ELP4: variants seen among roughly 807,000 people sequenced by gnomAD.
ELP4 encodes the protein elongator acetyltransferase complex subunit 4, also known as elongator complex protein 4.
A neutral mutation model predicts 48.9 loss-of-function variants in ELP4; 51 were observed. That is an observed-to-expected ratio of 1.04 (90% CI 0.83 to 1.32). ELP4 has a LOEUF of 1.32. Ranked by LOEUF, ELP4 falls within the 40% of genes most tolerant of loss-of-function variation. The probability of loss-of-function intolerance (pLI) is 0.00; values close to 1 mark genes in which losing one functional copy is unlikely to be tolerated. For missense variants in ELP4, 519 were observed against 514.6 expected (o/e 1.01, Z -0.08); for synonymous variants, 210 against 189.2 (o/e 1.11, Z -0.90).
chr11:31,773,622 G>A (rs115329268), intron 9 of ELP4, among the ~76,000 whole-genome samples: 2,961 of 152,308 alleles, frequency 0.019, 115 homozygotes, highest in African/African-American at 0.067. Context: ...CCATGAAGCT[G>A]TTGACTAGTC....
At chr11:31,743,620 A>T (rs1947510437) in intron 9 of ELP4, among the ~76,000 whole-genome samples, 1 of 152,204 alleles carries the variant, frequency 6.6e-6, no homozygotes, top group Admixed American at 6.5e-5. Context: ...ACTACATGGA[A>T]ACTGAACAAC....
intron 6 of ELP4, among the ~76,000 whole-genome samples, chr11:31,630,261 T>C (rs951974075): frequency 1.3e-5 from 2 of 149,718 alleles, no homozygotes; most frequent in Admixed American, 6.7e-5. Flanking sequence ...TTCATTCTTA[T>C]AGTCTTATCC....
chr11:31,732,001 T>C (rs1313195469), intron 9 of ELP4, among the ~76,000 whole-genome samples: 1 of 152,066 alleles, frequency 6.6e-6, no homozygotes, highest in Non-Finnish European at 1.5e-5. Flanking sequence ...CTCCTAGATA[T>C]TCAGAAGCTG....
chr11:31,542,354 G>A (rs1956605949), intron 3 of ELP4, among the ~76,000 whole-genome samples: 1 of 152,208 alleles, frequency 6.6e-6, no homozygotes, highest in South Asian at 2.1e-4. Flanking sequence ...CATCGAGTGA[G>A]TTAGAGATCT....
rs573912249 is a variant in ELP4 at position 31,525,797 on chromosome 11, G to A, written c.259+5706G>A. 4.1e-4 allele frequency among the ~76,000 whole-genome samples: 62 copies of A among 152,130 alleles called. 1 individual carries two copies. The highest frequency in any genetic ancestry group is 1.4e-3 in the African/African-American group (58 of 41,516). On this transcript the variant is annotated intron_variant, in intron 2 of 9. Coordinates refer to ENST00000640961, the MANE Select transcript of ELP4 (RefSeq NM_019040.5). ...AGGATTTTTGTTTGTTTAACTTTAT[G>A]GCCAGCCAAATCTATCATGCTTTAC...
intron 9 of ELP4, among the ~76,000 whole-genome samples, chr11:31,658,554 G>A (rs1247175632): frequency 6.6e-6 from 1 of 151,692 alleles, no homozygotes; most frequent in Non-Finnish European, 1.5e-5. Flanking sequence ...TGTATACAAA[G>A]AAATGTAGTT....
At chr11:31,693,563 G>A (rs541510198) in intron 9 of ELP4, among the ~76,000 whole-genome samples, 5 of 152,082 alleles carry the variant, frequency 3.3e-5, no homozygotes, top group Admixed American at 2.6e-4. Flanking sequence ...GTCTATCATT[G>A]ATGGACATTT....
chr11:31,609,791 G>A (rs1957942648), intron 5 of ELP4, among the ~76,000 whole-genome samples: 1 of 152,018 alleles, frequency 6.6e-6, no homozygotes, highest in Non-Finnish European at 1.5e-5. Context: ...CAGCACTTTG[G>A]GAGGTCGCGG....
chr11:31,790,089 TAGG>T lies in ELP4; in HGVS notation c.*6566_*6568del. On this transcript the variant is annotated 3_prime_UTR_variant, in exon 10 of 10. Coordinates refer to ENST00000640961, the MANE Select transcript of ELP4 (RefSeq NM_019040.5). ...GAAACAGACATGGAATACAAATTTA[TAGG>T]TTTACAAAAAAAAAAAAAAAAAAAA... 1 of 365,272 alleles carries T rather than the reference TAGG, an allele frequency of 2.7e-6. No homozygotes were observed. 22.6% of individuals were successfully genotyped at this position (365,272 alleles called of 1,614,324 possible).
At chr11:31,779,752 T>G (rs1236199117) in intron 9 of ELP4, 4 of 152,218 alleles carry the variant, frequency 2.6e-5, no homozygotes, top group Non-Finnish European at 5.9e-5. Context: ...CCCTGGCCTG[T>G]GCAGGAACCG....
At position 31,775,329 on chromosome 11, in the gene ELP4, G is replaced by A. The variant is rs566372112; in HGVS notation, c.1144-8064G>A. Among the ~76,000 whole-genome samples, 15 of 152,162 alleles carry A rather than the reference G, an allele frequency of 9.9e-5. No homozygotes were observed. The South Asian group carries it at 3.1e-3, about 32-fold the overall frequency. ...CACTGCCCCCTTACCACACACAAGG[G>A]CACATTCACACATGTTTGTGGATGC... On this transcript the variant is annotated intron_variant, in intron 9 of 9. Transcript: ENST00000640961.
At chr11:31,754,658 G>A (rs369030745) in intron 9 of ELP4, among the ~76,000 whole-genome samples, 26 of 152,244 alleles carry the variant, frequency 1.7e-4, no homozygotes, top group African/African-American at 5.8e-4. Context: ...ATCACCTGAT[G>A]TCAGGAGTTC....
chr11:31,522,732 T>C (rs1011917525), intron 2 of ELP4, among the ~76,000 whole-genome samples: 13 of 152,216 alleles, frequency 8.5e-5, no homozygotes, highest in African/African-American at 3.1e-4. Context: ...AAGGTTATAC[T>C]GTCATATGCT....
At chr11:31,671,130 C>T (rs1184754063) in intron 9 of ELP4, among the ~76,000 whole-genome samples, 2 of 151,986 alleles carry the variant, frequency 1.3e-5, no homozygotes, top group African/African-American at 4.8e-5. Context: ...ACTAAAGGGC[C>T]TTAGTTTCCT....
intron 9 of ELP4, among the ~76,000 whole-genome samples, chr11:31,672,385 T>A (rs566553639): frequency 6.6e-6 from 1 of 152,338 alleles, no homozygotes; most frequent in African/African-American, 2.4e-5. Context: ...TCTTTTGTTA[T>A]GAGGTGATTT....
At chr11:31,745,229 T>G (rs922220906) in intron 9 of ELP4, among the ~76,000 whole-genome samples, 13 of 152,032 alleles carry the variant, frequency 8.6e-5, no homozygotes, top group East Asian at 3.9e-4. Context: ...CACTGCTCAA[T>G]GAAATAAAAG....
At chr11:31,764,501 G>A (rs1339957500) in intron 9 of ELP4, among the ~76,000 whole-genome samples, 1 of 152,178 alleles carries the variant, frequency 6.6e-6, no homozygotes, top group Non-Finnish European at 1.5e-5. Flanking sequence ...GCATTGATGT[G>A]AGTCCAGCAT....
At position 31,783,538 on chromosome 11, in the gene ELP4, G is replaced by T; in HGVS notation, c.*14G>T. The T allele has an allele frequency of 1.2e-6, 2 of 1,611,850 alleles. No individual in the cohort carries two copies. Among genetic ancestry groups the T allele is most frequent in the Non-Finnish European group, 1.7e-6 (2 of 1,178,828 alleles). On this transcript the variant is annotated 3_prime_UTR_variant, in exon 10 of 10. Transcript: ENST00000640961. ...CTGGACTTCTAGGGATTCCTCCTTAGTCGCTGCATGCAGAATTCTATGACA... is the reference window on the plus strand; with the variant it reads ...CTGGACTTCTAGGGATTCCTCCTTATTCGCTGCATGCAGAATTCTATGACA...
chr11:31,742,991 G>A (rs1198659442), intron 9 of ELP4, among the ~76,000 whole-genome samples: 8 of 152,102 alleles, frequency 5.3e-5, no homozygotes, highest in African/African-American at 7.2e-5. Flanking sequence ...TCAGTGTGCC[G>A]TATTCAGGAA....
Sources: gnomAD v4.1 joint callset for allele counts (sites outside exome capture counted in the v4.1 genomes callset) on GRCh38, gnomAD v4.1.1 for gene constraint, MANE v1.5 for transcripts, NCBI Gene and HGNC (gene_info 2026-07-23, HGNC 2026-07-21) for gene names.